Variants in XIST observed in about 807,000 individuals in gnomAD.
XIST encodes X inactive specific transcript (non-protein coding).
At chrX:73,821,736 G>A (rs1039797126) in exon 6 of XIST, 1 of 524,475 alleles carries the variant, frequency 1.9e-6, no homozygotes, top group Non-Finnish European at 3.4e-6. Flanking sequence ...GCCCAGCCAG[G>A]CCTACATTTA....
intron 5 of XIST, chrX:73,828,258 T>G: frequency 3.5e-6 from 1 of 284,350 alleles, no homozygotes; most frequent in African/African-American, 2.7e-5. Context: ...ATGCCAACTC[T>G]GCCTGCTACC....
At chrX:73,822,742 A>G in exon 6 of XIST, 1 of 547,277 alleles carries the variant, frequency 1.8e-6, no homozygotes, top group Non-Finnish European at 3.3e-6. Context: ...GATATATTTC[A>G]TTTAGCATTT....
chrX:73,843,305 C>T (rs1449823284), exon 1 of XIST: 1 of 556,432 alleles, frequency 1.8e-6, no homozygotes, highest in Non-Finnish European at 3.2e-6. Context: ...GGTCAGTACC[C>T]CCGATGTAAG....
Position 73,823,171 on chromosome X carries a change from T to G in XIST, n.16730A>C, listed in dbSNP as rs770723650. The G allele has an allele frequency of 7.3e-6, 4 of 550,486 alleles. No individual in the cohort carries two copies. The African/African-American group carries it at 9.0e-5, about 12-fold the overall frequency. 45.4% of individuals were successfully genotyped at this position (550,486 alleles called of 1,213,427 possible). ...CTGTAATAAAAGCAGAATGTTTAGTTAATGAATTAAAGAACAAACCCTGAG... is the reference window on the plus strand; with the variant it reads ...CTGTAATAAAAGCAGAATGTTTAGTGAATGAATTAAAGAACAAACCCTGAG... On this transcript the variant is annotated non_coding_transcript_exon_variant, in exon 6 of 6. Coordinates refer to ENST00000429829, the Ensembl canonical transcript of XIST.
chrX:73,845,880 C>T (rs373303492), exon 1 of XIST: 11 of 553,602 alleles, frequency 2.0e-5, no homozygotes, highest in African/African-American at 1.4e-4. Context: ...AATATAATCA[C>T]GCACATAACA....
At chrX:73,820,842 C>A (rs1922093824) in exon 6 of XIST, 1 of 557,181 alleles carries the variant, frequency 1.8e-6, no homozygotes, top group African/African-American at 2.2e-5. Flanking sequence ...GTTCAAGAGT[C>A]TTCCATTTAT....
exon 1 of XIST, chrX:73,848,832 G>A (rs768502840): frequency 1.8e-6 from 1 of 558,328 alleles, no homozygotes; most frequent in Non-Finnish European, 3.2e-6. Flanking sequence ...GTGGGACTAT[G>A]GGCAATTAGT....
exon 6 of XIST, chrX:73,824,703 C>T (rs1416918152): frequency 9.0e-6 from 5 of 558,330 alleles, no homozygotes; most frequent in Non-Finnish European, 3.2e-6. Flanking sequence ...AAAGCACATT[C>T]GCAAGCTGAA....
intron 5 of XIST, chrX:73,828,103 A>G (rs1054816065): frequency 1.1e-5 from 5 of 439,652 alleles, no homozygotes; most frequent in Non-Finnish European, 2.0e-5. Flanking sequence ...AAAAAAATCA[A>G]AAAGTGTCAT....
At chrX:73,836,567 T>C (rs1416096602) in intron 2 of XIST, among the ~76,000 whole-genome samples, 1 of 111,762 alleles carries the variant, frequency 8.9e-6, no homozygotes, top group African/African-American at 3.3e-5. Context: ...TAGATACAGA[T>C]GGTTATATAT....
exon 1 of XIST, chrX:73,843,482 A>C (rs758237283): frequency 1.8e-6 from 1 of 558,601 alleles, no homozygotes; most frequent in East Asian, 3.2e-5. Flanking sequence ...AGGTCCACAA[A>C]TACAATTATG....
intron 3 of XIST, among the ~76,000 whole-genome samples, chrX:73,832,890 T>A (rs184176158): frequency 9.0e-6 from 1 of 111,183 alleles, no homozygotes; most frequent in East Asian, 2.8e-4. Context: ...TCTGCTTTTC[T>A]TTCTTTTTAA....
At position 73,844,082 on chromosome X, in the gene XIST, G is replaced by A. The variant is rs768406857; in HGVS notation, n.8642C>T. 4.8e-5 allele frequency: 27 copies of A among 556,841 alleles called. No homozygotes were observed. In the South Asian group the frequency reaches 5.6e-4, roughly 12 times the overall value. 45.9% of individuals were successfully genotyped at this position (556,841 alleles called of 1,213,427 possible). A position where few individuals can be genotyped will look rare whatever the true frequency, so the allele number is the denominator to read the frequency against. ...TGTTCAAATGTAAAGATCATAAGGA[G>A]TGGGCACCCACTATTGAAAAGAGGT... On this transcript the variant is annotated non_coding_transcript_exon_variant, in exon 1 of 6. Coordinates refer to ENST00000429829, the Ensembl canonical transcript of XIST.
rs181203858 is a variant in XIST, at chrX:73,824,762, T to C, written n.15139A>G. 15 of 557,440 alleles carry C rather than the reference T, an allele frequency of 2.7e-5. No homozygotes were observed. In the Admixed American group the frequency reaches 3.1e-4, roughly 12 times the overall value. 45.9% of individuals were successfully genotyped at this position (557,440 alleles called of 1,213,427 possible). The stretch of plus-strand genomic sequence containing the variant: ...TCACATCTATTACTTCATTTCCTCA[T>C]ACTAGCTCTTTCCTGGTTACCTGGA... On this transcript the variant is annotated non_coding_transcript_exon_variant, in exon 6 of 6. Transcript: ENST00000429829.
chrX:73,845,178 T>G (rs1569512470), exon 1 of XIST: 1 of 555,426 alleles, frequency 1.8e-6, no homozygotes, highest in Non-Finnish European at 3.2e-6. Context: ...AATGTAAGGG[T>G]CTTATGGAGC....
At chrX:73,825,029 T>G (rs763169749) in exon 6 of XIST, 9 of 513,549 alleles carry the variant, frequency 1.8e-5, no homozygotes, top group Non-Finnish European at 2.4e-5. Flanking sequence ...GTATCATGCT[T>G]TAGTTTACAA....
chrX:73,845,104 T>C (rs762004271), exon 1 of XIST: 14 of 552,582 alleles, frequency 2.5e-5, no homozygotes, highest in Non-Finnish European at 1.9e-5. Context: ...CATGTGCAGT[T>C]ACACACATTT....
intron 2 of XIST, among the ~76,000 whole-genome samples, chrX:73,834,322 A>G (rs2075621391): frequency 8.9e-6 from 1 of 112,823 alleles, no homozygotes; most frequent in African/African-American, 3.2e-5. Context: ...AGTCTCCCCA[A>G]GTCTTCTTAA....
intron 2 of XIST, chrX:73,833,490 G>A (rs1922424916): frequency 1.9e-5 from 8 of 424,253 alleles, no homozygotes; most frequent in Non-Finnish European, 8.2e-6. Context: ...ATTAGACATA[G>A]GTATCTCCTG....
Sources: allele counts gnomAD v4.1 joint callset (sites outside exome capture counted in the v4.1 genomes callset), GRCh38; gene constraint gnomAD v4.1.1; transcripts MANE v1.5; gene names NCBI Gene and HGNC (gene_info 2026-07-23, HGNC 2026-07-21).